Variants in KCNIP4 observed in about 807,000 individuals in gnomAD.
KCNIP4 encodes Kv channel-interacting protein 4.
A neutral mutation model predicts 34.0 loss-of-function variants in KCNIP4; 12 were observed. The observed-to-expected ratio is 0.35, with a 90% CI of 0.23 to 0.57. KCNIP4 has a LOEUF of 0.57. KCNIP4 is among the 20% of genes least tolerant of loss of function. The pLI is 0.83. For missense variants in KCNIP4, 238 were observed against 311.7 expected (o/e 0.76, Z 1.78); for synonymous variants, 124 against 102.2 (o/e 1.21, Z -1.29).
intron 1 of KCNIP4, among the ~76,000 whole-genome samples, chr4:21,102,884 G>A (rs934679565): frequency 7.9e-5 from 12 of 152,050 alleles, no homozygotes; most frequent in Admixed American, 2.0e-4. Context: ...ATTTCACTTT[G>A]TTTCCTTTCT....
At chr4:21,410,336 G>T (rs768700815) in intron 1 of KCNIP4, among the ~76,000 whole-genome samples, 63 of 152,288 alleles carry the variant, frequency 4.1e-4, no homozygotes, top group African/African-American at 1.4e-3. Flanking sequence ...CTGGAATGTA[G>T]GTCAGACTTA....
chr4:21,108,296 G>T (rs28762765), intron 1 of KCNIP4, among the ~76,000 whole-genome samples: 2 of 120,818 alleles, frequency 1.7e-5, no homozygotes, highest in East Asian at 4.5e-4. Flanking sequence ...GGCTTTGCTC[G>T]TTTCTTTTTA....
rs183549116 is a variant in KCNIP4 at position 21,039,102 on chromosome 4, G to A, written c.62-156393C>T. On this transcript the variant is annotated intron_variant, in intron 1 of 8. Coordinates refer to ENST00000382152, the MANE Select transcript of KCNIP4 (RefSeq NM_025221.6). ...AGGCTGGGCGCGGTGGCTCATGCCT[G>A]TAATCCCAGCACTTTGGGAGGCTGA... 3.6e-3 allele frequency among the ~76,000 whole-genome samples: 551 copies of A among 152,336 alleles called. 3 individuals carry two copies. Among genetic ancestry groups the A allele is most frequent in the Non-Finnish European group, 4.6e-3 (315 of 68,038 alleles).
intron 3 of KCNIP4, among the ~76,000 whole-genome samples, chr4:20,783,750 T>C (rs912324713): frequency 1.3e-5 from 2 of 152,096 alleles, no homozygotes; most frequent in African/African-American, 4.8e-5. Context: ...AAATACAAAG[T>C]TCAAATAAGG....
intron 1 of KCNIP4, among the ~76,000 whole-genome samples, chr4:21,783,581 C>T (rs1226086856): frequency 6.6e-6 from 1 of 151,942 alleles, no homozygotes; most frequent in African/African-American, 2.4e-5. Context: ...CAAAAGCAAA[C>T]CCAAAGCAGA....
intron 1 of KCNIP4, among the ~76,000 whole-genome samples, chr4:20,890,906 G>T (rs1725850120): frequency 6.6e-6 from 1 of 152,096 alleles, no homozygotes; most frequent in Non-Finnish European, 1.5e-5. Context: ...GACCTCAGTG[G>T]TGGCATATGC....
chr4:21,860,632 G>C (rs924086345), intron 1 of KCNIP4, among the ~76,000 whole-genome samples: 5 of 150,952 alleles, frequency 3.3e-5, no homozygotes, highest in African/African-American at 1.2e-4. Context: ...TAAGATAATT[G>C]GCTTATCATT....
At position 20,850,564 on chromosome 4, in the gene KCNIP4, G is replaced by A. The variant is rs1328322306; in HGVS notation, c.267C>T (p.Ile89=). ...TTACATTCTTAAATCCTCTGTAAAG[G>A]ATCTGAAGCTCTTTCTTGGTAAATT... ...QSKFTKKELQ[I]LYRGFKNECP... Residue 89 remains isoleucine, a synonymous_variant, in exon 3 of 9, where the codon ATC becomes ATT. Transcript: ENST00000382152. 2.5e-6 allele frequency: 4 copies of A among 1,612,768 alleles called. No individual in the cohort carries two copies. The highest frequency in any genetic ancestry group is 2.7e-5 in the African/African-American group (2 of 74,870).
chr4:21,002,039 AACTGCAG>A (rs1487087238), intron 1 of KCNIP4, among the ~76,000 whole-genome samples: 1 of 152,194 alleles, frequency 6.6e-6, no homozygotes, highest in African/African-American at 2.4e-5. Context: ...GGGAGCTTTA[AACTGCAG>A]ACTTAACAAG....
At chr4:21,465,887 G>C (rs1729884944) in intron 1 of KCNIP4, among the ~76,000 whole-genome samples, 1 of 152,120 alleles carries the variant, frequency 6.6e-6, no homozygotes, top group South Asian at 2.1e-4. Flanking sequence ...CTAGTGACCT[G>C]GTCCTTCATG....
intron 1 of KCNIP4, among the ~76,000 whole-genome samples, chr4:21,264,235 G>A (rs1761657219): frequency 1.2e-5 from 1 of 86,482 alleles, no homozygotes; most frequent in African/African-American, 4.4e-5. Context: ...GGTCAAAAGA[G>A]ACAACAGTCT....
rs181204324 is a variant in KCNIP4 at position 21,172,476 on chromosome 4, A to G, written c.62-289767T>C. 2.2e-3 allele frequency among the ~76,000 whole-genome samples: 338 copies of G among 152,322 alleles called. 2 individuals carry two copies. Among genetic ancestry groups the G allele is most frequent in the African/African-American group, 7.8e-3 (324 of 41,572 alleles). ...AAAACTAGTGGGGGGAAGAGATGGG[A>G]TTGAAATGAAAATAATCTAACACAT... On this transcript the variant is annotated intron_variant, in intron 1 of 8. Transcript: ENST00000382152.
chr4:21,086,300 C>CCA (rs1365774616), intron 1 of KCNIP4, among the ~76,000 whole-genome samples: 1 of 152,182 alleles, frequency 6.6e-6, no homozygotes, highest in East Asian at 1.9e-4. Context: ...CACTCTAGTT[C>CCA]CACTTCCTGT....
At chr4:20,932,466 TATAATAGTCTATAATAGTCTAATATTGTA>T (rs1730580381) in intron 1 of KCNIP4, among the ~76,000 whole-genome samples, 1 of 128,698 alleles carries the variant, frequency 7.8e-6, no homozygotes, top group African/African-American at 3.6e-5. Context: ...TATTGTAGAC[TATAATAGTCTATAATAGTCTAATATTGTA>T]GACTATAATA....
chr4:21,644,709 A>G (rs1746889742), intron 1 of KCNIP4, among the ~76,000 whole-genome samples: 1 of 152,108 alleles, frequency 6.6e-6, no homozygotes, highest in African/African-American at 2.4e-5. Flanking sequence ...TACATTTAGT[A>G]ATTTATTTAT....
At chr4:21,359,497 T>C (rs1323339633) in intron 1 of KCNIP4, among the ~76,000 whole-genome samples, 2 of 152,140 alleles carry the variant, frequency 1.3e-5, no homozygotes, top group Non-Finnish European at 2.9e-5. Context: ...ATAAACCGAA[T>C]GAGAGTAAGA....
chr4:21,564,882 G>A (rs766675692), intron 1 of KCNIP4, among the ~76,000 whole-genome samples: 1 of 152,060 alleles, frequency 6.6e-6, no homozygotes, highest in Non-Finnish European at 1.5e-5. Flanking sequence ...GGAACTAGCA[G>A]AGGGAGAACT....
At position 21,367,703 on chromosome 4, in the gene KCNIP4, C is replaced by A. The variant is rs564865931; in HGVS notation, c.62-484994G>T. Among the ~76,000 whole-genome samples the A allele has an allele frequency of 6.1e-5, 9 of 147,554 alleles. No individual in the cohort carries two copies. In the East Asian group the frequency reaches 1.8e-3, roughly 29 times the overall value. ...TCATGGCTCCATGGGGGAGTTTGCT[C>A]TGGTGGAAATACATCTGTGTAGGAG... On this transcript the variant is annotated intron_variant, in intron 1 of 8. Coordinates refer to ENST00000382152, the MANE Select transcript of KCNIP4 (RefSeq NM_025221.6).
intron 3 of KCNIP4, among the ~76,000 whole-genome samples, chr4:20,788,413 C>T (rs1401114734): frequency 6.6e-6 from 1 of 152,148 alleles, no homozygotes; most frequent in African/African-American, 2.4e-5. Context: ...GCAAACAACT[C>T]TCTCTACCAA....
Sources: gnomAD v4.1 joint callset for allele counts (sites outside exome capture counted in the v4.1 genomes callset) on GRCh38, gnomAD v4.1.1 for gene constraint, MANE v1.5 for transcripts, NCBI Gene and HGNC (gene_info 2026-07-23, HGNC 2026-07-21) for gene names.